CORO2B: variants seen among roughly 807,000 people sequenced by gnomAD.
CORO2B encodes the protein coronin-2B.
CORO2B carries 26 observed loss-of-function variants against 58.8 expected under a neutral mutation model. That is an observed-to-expected ratio of 0.44 (90% confidence interval 0.32 to 0.61). The LOEUF (loss-of-function observed/expected upper bound fraction) is 0.61. Ranked by LOEUF, CORO2B falls within the 20% of genes least tolerant of loss-of-function variation. The pLI is 0.04. For synonymous variants in CORO2B, 242 were observed against 253.8 expected (o/e 0.95, Z 0.44); for missense variants, 460 against 645.1 (o/e 0.71, Z 3.11).
the CORO2B span, among the ~76,000 whole-genome samples, chr15:68,556,551 G>A: frequency 3.9e-5 from 6 of 152,234 alleles, no homozygotes; most frequent in South Asian, 2.1e-4. Context: ...TGTGAGGGTC[G>A]AAAGGACCCC....
the CORO2B span, among the ~76,000 whole-genome samples, chr15:68,554,128 G>A: frequency 6.6e-6 from 1 of 152,236 alleles, no homozygotes; most frequent in South Asian, 2.1e-4. Flanking sequence ...TGGGCTTGTC[G>A]GGCCCTGGTA....
chr15:68,681,027 A>G (rs1596009752), intron 2 of CORO2B, among the ~76,000 whole-genome samples: 2 of 152,278 alleles, frequency 1.3e-5, no homozygotes, highest in South Asian at 4.2e-4. Flanking sequence ...CAGCCTGGCC[A>G]ACATGGTGAA....
the CORO2B span, among the ~76,000 whole-genome samples, chr15:68,548,189 ATG>A: frequency 6.9e-6 from 1 of 145,064 alleles, no homozygotes; most frequent in Non-Finnish European, 1.5e-5. Context: ...ATATATATAT[ATG>A]TGTGTGTGTG....
At chr15:68,585,422 T>C (rs1899526225) in intron 1 of CORO2B, among the ~76,000 whole-genome samples, 1 of 152,232 alleles carries the variant, frequency 6.6e-6, no homozygotes, top group African/African-American at 2.4e-5. Context: ...TGATCGCATT[T>C]ACTCTGTACA....
Position 68,590,471 on chromosome 15 carries a change from A to G in CORO2B, c.15+11194A>G, listed in dbSNP as rs572932954. Among the ~76,000 whole-genome samples, 555 of 152,074 alleles carry G rather than the reference A, an allele frequency of 3.6e-3. 4 individuals are homozygous for G. Among genetic ancestry groups the G allele is most frequent in the African/African-American group, 0.012 (513 of 41,488 alleles). On this transcript the variant is annotated intron_variant, in intron 1 of 11. Coordinates refer to ENST00000261861, the MANE Select transcript of CORO2B (RefSeq NM_006091.5). ...CCGAGAGGATGGCCTGCCCTGCTTC[A>G]CACAGCAGGAAGGGGCAAACTGGGC...
chr15:68,528,185 A>G, the CORO2B span, among the ~76,000 whole-genome samples: 1 of 152,170 alleles, frequency 6.6e-6, no homozygotes, highest in South Asian at 2.1e-4. Flanking sequence ...AATAGAAGTA[A>G]TAAAAGCAGA....
At position 68,714,618 on chromosome 15, in the gene CORO2B, C is replaced by T; in HGVS notation, c.825C>T (p.Phe275=). ...EEIDGLSGLL[F]PFYDADTHML... is the part of the protein sequence containing the mutation. ...TTGATGGGCTCTCTGGCCTCCTGTT[C>T]CCCTTCTATGATGCTGACACCCACA... Residue 275 remains phenylalanine (F), a synonymous_variant, in exon 7 of 12, where the codon TTC becomes TTT. Transcript: ENST00000261861. 2 of 1,614,108 alleles carry T rather than the reference C, an allele frequency of 1.2e-6. No individual in the cohort carries two copies. The highest frequency in any genetic ancestry group is 1.3e-5 in the African/African-American group (1 of 75,034).
intron 2 of CORO2B, among the ~76,000 whole-genome samples, chr15:68,666,931 C>T (rs543935896): frequency 5.1e-4 from 77 of 152,218 alleles, no homozygotes; most frequent in African/African-American, 1.6e-3. Context: ...AGAAACCTGC[C>T]GCATGCCCTT....
chr15:68,587,049 TACACACACACACACACACAC>T (rs58729813), intron 1 of CORO2B, among the ~76,000 whole-genome samples: 5 of 57,886 alleles, frequency 8.6e-5, no homozygotes, highest in Middle Eastern at 0.014. Context: ...GAGATATGTA[TACACACACACACACACACAC>T]ACACACACAC....
At chr15:68,677,964 A>G (rs1902642121) in intron 2 of CORO2B, among the ~76,000 whole-genome samples, 2 of 152,174 alleles carry the variant, frequency 1.3e-5, no homozygotes, top group African/African-American at 2.4e-5. Context: ...CTGTTATTTC[A>G]TGAAAATCTC....
chr15:68,651,281 G>T (rs1901633406), intron 2 of CORO2B, among the ~76,000 whole-genome samples: 4 of 152,364 alleles, frequency 2.6e-5, no homozygotes, highest in South Asian at 2.1e-4. Flanking sequence ...TGTGGTCAGG[G>T]CTGGGCCTGC....
the CORO2B span, among the ~76,000 whole-genome samples, chr15:68,569,313 C>A: frequency 6.6e-6 from 1 of 152,240 alleles, no homozygotes; most frequent in Non-Finnish European, 1.5e-5. Flanking sequence ...CCACTAACCC[C>A]TGGCCACCAC....
At chr15:68,646,291 A>G (rs1417707178) in intron 2 of CORO2B, among the ~76,000 whole-genome samples, 1 of 152,190 alleles carries the variant, frequency 6.6e-6, no homozygotes, top group Non-Finnish European at 1.5e-5. Context: ...CTTCAGGGAA[A>G]GTGCTTGCTG....
intron 3 of CORO2B, among the ~76,000 whole-genome samples, chr15:68,708,916 C>T (rs571427405): frequency 1.2e-4 from 18 of 152,298 alleles, no homozygotes; most frequent in Non-Finnish European, 2.4e-4. Flanking sequence ...CCTGGGCTCA[C>T]GTGATCCTCC....
At chr15:68,705,436 C>CAA (rs35973911) in intron 3 of CORO2B, among the ~76,000 whole-genome samples, 2,251 of 112,600 alleles carry the variant, frequency 0.02, 53 homozygotes, top group East Asian at 0.08. Context: ...AACTCTATCT[C>CAA]AAAAAAAAAA....
At chr15:68,627,897 T>G (rs1307934538) in intron 1 of CORO2B, among the ~76,000 whole-genome samples, 1 of 152,098 alleles carries the variant, frequency 6.6e-6, no homozygotes, top group Non-Finnish European at 1.5e-5. Context: ...ACTGAGCTTC[T>G]GGTGTAGAAG....
chr15:68,640,001 G>A (rs1271920366), intron 1 of CORO2B, among the ~76,000 whole-genome samples: 1 of 152,206 alleles, frequency 6.6e-6, no homozygotes, highest in Admixed American at 6.5e-5. Context: ...TGAGGTCTGG[G>A]CACCTCCCCC....
At chr15:68,666,721 G>A (rs1461118641) in intron 2 of CORO2B, among the ~76,000 whole-genome samples, 1 of 152,176 alleles carries the variant, frequency 6.6e-6, no homozygotes, top group Non-Finnish European at 1.5e-5. Context: ...AAGGGGCCAA[G>A]GGAGTTTTGT....
chr15:68,699,296 A>G (rs1003437930), intron 3 of CORO2B, among the ~76,000 whole-genome samples: 1 of 152,074 alleles, frequency 6.6e-6, no homozygotes, highest in African/African-American at 2.4e-5. Context: ...CCATCTGAGC[A>G]TCAGTGGACC....
Sources: allele counts gnomAD v4.1 joint callset (sites outside exome capture counted in the v4.1 genomes callset), GRCh38; gene constraint gnomAD v4.1.1; transcripts MANE v1.5; gene names NCBI Gene and HGNC (gene_info 2026-07-23, HGNC 2026-07-21).